PTPRD: variants seen among roughly 807,000 people sequenced by gnomAD.
PTPRD encodes the protein receptor-type tyrosine-protein phosphatase delta.
Under a neutral mutation model 214.5 loss-of-function variants are expected in PTPRD, and 34 were observed. The observed-to-expected ratio is 0.16, with a 90% CI of 0.12 to 0.21. PTPRD has a LOEUF of 0.21. Ranked by LOEUF, PTPRD falls within the 10% of genes least tolerant of loss-of-function variation. PTPRD has a pLI of 1.00. For synonymous variants in PTPRD, 1,128 were observed against 845.7 expected, an observed-to-expected ratio of 1.33 and a Z score of -5.79; for missense variants, 2,545 against 2,398.7, an observed-to-expected ratio of 1.06 and a Z score of -1.27.
At chr9:8,337,149 G>A (rs578119700) in intron 43 of PTPRD, among the ~76,000 whole-genome samples, 33 of 152,232 alleles carry the variant, frequency 2.2e-4, no homozygotes, top group South Asian at 4.1e-4. Flanking sequence ...ACATGCACAC[G>A]TATGTTTATT....
At chr9:9,100,955 A>G (rs1244714879) in intron 10 of PTPRD, among the ~76,000 whole-genome samples, 1 of 152,060 alleles carries the variant, frequency 6.6e-6, no homozygotes, top group East Asian at 1.9e-4. Flanking sequence ...TCATATAACT[A>G]TAGATATTTT....
At chr9:8,811,288 C>G (rs573213330) in intron 11 of PTPRD, among the ~76,000 whole-genome samples, 26 of 152,206 alleles carry the variant, frequency 1.7e-4, no homozygotes, top group South Asian at 6.2e-4. Context: ...CATTCTACCA[C>G]CAAGATGCTG....
chr9:9,824,950 T>C (rs191569978), intron 5 of PTPRD, among the ~76,000 whole-genome samples: 1 of 152,158 alleles, frequency 6.6e-6, no homozygotes, highest in African/African-American at 2.4e-5. Flanking sequence ...TGATCTGGTT[T>C]TGAATCCTCA....
chr9:9,997,512 C>T (rs906361842), intron 4 of PTPRD, among the ~76,000 whole-genome samples: 2 of 152,134 alleles, frequency 1.3e-5, no homozygotes, highest in Non-Finnish European at 2.9e-5. Flanking sequence ...TGGTCTTGAA[C>T]TCCCACCCTC....
Position 9,391,033 on chromosome 9 carries a change from T to C in PTPRD, c.-203+6416A>G, listed in dbSNP as rs530165576. ...TGAGATGCATTATTAAGTTGAGCTTTGCTTTAAGCATAAGAGACTGCATTA... is the reference window on the plus strand; with the variant it reads ...TGAGATGCATTATTAAGTTGAGCTTCGCTTTAAGCATAAGAGACTGCATTA... On this transcript the variant is annotated intron_variant, in intron 9 of 45. Coordinates refer to ENST00000381196, the MANE Select transcript of PTPRD (RefSeq NM_002839.4). Among the ~76,000 whole-genome samples, 30 of 152,316 alleles carry C rather than the reference T, an allele frequency of 2.0e-4. No individual in the cohort carries two copies. In the South Asian group the frequency reaches 6.0e-3, roughly 31 times the overall value.
rs185477590 is a variant in PTPRD at position 9,748,874 on chromosome 9, T to C, written c.-325-14303A>G. ...GGTTCTTTCAGTATCAGTGACATTA[T>C]ATTATTGTCTGCATACTGATATTCA... On this transcript the variant is annotated intron_variant, in intron 6 of 45. Coordinates refer to ENST00000381196, the MANE Select transcript of PTPRD (RefSeq NM_002839.4). Among the ~76,000 whole-genome samples the C allele has an allele frequency of 1.5e-3, 227 of 152,290 alleles. 1 individual carries two copies. Among genetic ancestry groups the C allele is most frequent in the African/African-American group, 5.0e-3 (209 of 41,556 alleles).
intron 2 of PTPRD, among the ~76,000 whole-genome samples, chr9:10,473,252 G>T (rs1375599422): frequency 6.6e-6 from 1 of 152,014 alleles, no homozygotes; most frequent in Non-Finnish European, 1.5e-5. Flanking sequence ...TGGAGAGGTA[G>T]ATATGACTTA....
chr9:9,230,399 C>T (rs139137554), intron 9 of PTPRD, among the ~76,000 whole-genome samples: 1 of 152,224 alleles, frequency 6.6e-6, no homozygotes, highest in East Asian at 1.9e-4. Flanking sequence ...TTCCATCTGG[C>T]TGTTCCTGAG....
At chr9:10,541,507 G>T (rs915822532) in intron 2 of PTPRD, among the ~76,000 whole-genome samples, 1 of 151,848 alleles carries the variant, frequency 6.6e-6, no homozygotes, top group African/African-American at 2.4e-5. Context: ...TTTATGCAGT[G>T]AGTGTATTTT....
chr9:10,023,266 C>G (rs1423225602), intron 4 of PTPRD, among the ~76,000 whole-genome samples: 2 of 152,096 alleles, frequency 1.3e-5, no homozygotes, highest in South Asian at 2.1e-4. Flanking sequence ...TAACAGACAA[C>G]AATTTATCTT....
intron 4 of PTPRD, among the ~76,000 whole-genome samples, chr9:9,978,116 G>GCACACACACACA (rs1318407184): frequency 1.3e-5 from 2 of 151,652 alleles, no homozygotes; most frequent in African/African-American, 2.4e-5. Flanking sequence ...ACACACACAC[G>GCACACACACACA]TGGGAGAAAG....
At position 9,287,922 on chromosome 9, in the gene PTPRD, C is replaced by CT. The variant is rs924157594; in HGVS notation, c.-202-104560dup. Among the ~76,000 whole-genome samples the CT allele has an allele frequency of 4.1e-3, 596 of 146,554 alleles. 2 individuals are homozygous for CT. The highest frequency in any genetic ancestry group is 0.013 in the African/African-American group (518 of 40,184). On this transcript the variant is annotated intron_variant, in intron 9 of 45. Coordinates refer to ENST00000381196, the MANE Select transcript of PTPRD (RefSeq NM_002839.4). The stretch of plus-strand genomic sequence containing the variant: ...TTCTCAGATGCCTTTGAAAGCATGA[C>CT]TTTTTTTTTTTCAATTTTAATTTTC...
intron 36 of PTPRD, among the ~76,000 whole-genome samples, chr9:8,394,512 G>T (rs997263979): frequency 6.6e-6 from 1 of 152,162 alleles, no homozygotes; most frequent in African/African-American, 2.4e-5. Context: ...CTGGACTCCT[G>T]TCTAGGGCTG....
chr9:9,192,715 T>G (rs1170923792), intron 9 of PTPRD, among the ~76,000 whole-genome samples: 1 of 152,068 alleles, frequency 6.6e-6, no homozygotes, highest in Non-Finnish European at 1.5e-5. Flanking sequence ...TCATCCTTTT[T>G]CCATGACTGA....
chr9:9,609,929 C>G (rs2154344023), intron 7 of PTPRD, among the ~76,000 whole-genome samples: 1 of 152,260 alleles, frequency 6.6e-6, no homozygotes, highest in Middle Eastern at 3.4e-3. Context: ...GGCTAATACT[C>G]CTGATTGGCA....
intron 5 of PTPRD, among the ~76,000 whole-genome samples, chr9:9,930,972 A>G (rs2086288564): frequency 2.0e-5 from 3 of 152,108 alleles, no homozygotes; most frequent in South Asian, 2.1e-4. Flanking sequence ...AGTATAAAAT[A>G]AAAATATATT....
intron 2 of PTPRD, among the ~76,000 whole-genome samples, chr9:10,582,816 G>A (rs2072429991): frequency 6.6e-6 from 1 of 152,210 alleles, no homozygotes; most frequent in African/African-American, 2.4e-5. Flanking sequence ...TCAGGGTACT[G>A]TGAAAGTCAT....
intron 10 of PTPRD, among the ~76,000 whole-genome samples, chr9:9,086,239 G>C (rs1023151803): frequency 2.0e-5 from 3 of 152,134 alleles, no homozygotes; most frequent in Admixed American, 6.5e-5. Context: ...ACCTCCTTCT[G>C]ACTGGTACTA....
chr9:9,666,265 C>G (rs926784363), intron 7 of PTPRD, among the ~76,000 whole-genome samples: 1 of 151,830 alleles, frequency 6.6e-6, no homozygotes, highest in Non-Finnish European at 1.5e-5. Context: ...GTATCCTGTA[C>G]AGTAATTCAA....
Sources: allele counts gnomAD v4.1 joint callset (sites outside exome capture counted in the v4.1 genomes callset), GRCh38; gene constraint gnomAD v4.1.1; transcripts MANE v1.5; gene names NCBI Gene and HGNC (gene_info 2026-07-23, HGNC 2026-07-21).